The following APPL2 variants were observed in gnomAD, a reference collection of about 807,000 sequenced individuals.
APPL2 encodes adaptor protein, phosphotyrosine interacting with PH domain and leucine zipper 2.
Under a neutral mutation model 92.7 loss-of-function variants are expected in APPL2, and 84 were observed. That is an observed-to-expected ratio of 0.91 (90% CI 0.76 to 1.09). APPL2 has a LOEUF of 1.09. Among genes scored for constraint, APPL2 ranks in the 50% least tolerant of loss-of-function variants. The pLI, the probability that APPL2 is intolerant of heterozygous loss-of-function variation, is 0.00. For synonymous variants in APPL2, 291 were observed against 291.0 expected, an observed-to-expected ratio of 1.00 and a Z score of 0.00; for missense variants, 736 against 824.5, an observed-to-expected ratio of 0.89 and a Z score of 1.31.
chr12:105,206,931 C>T, intron 8 of APPL2, 130 bp downstream of exon 8: 1 of 1,257,880 alleles, frequency 7.9e-7, no homozygotes, highest in Non-Finnish European at 1.1e-6. Flanking sequence ...TGCTGAATCC[C>T]ACAAAGTAGC....
intron 14 of APPL2, among the ~76,000 whole-genome samples, chr12:105,192,013 A>G (rs556524815): frequency 1.3e-5 from 2 of 152,196 alleles, no homozygotes; most frequent in East Asian, 1.9e-4. Flanking sequence ...CCAGACCTGT[A>G]TCATCCGTTG....
intron 17 of APPL2, among the ~76,000 whole-genome samples, chr12:105,186,645 G>GATAT (rs879884212): frequency 1.5e-3 from 192 of 128,156 alleles, no homozygotes; most frequent in South Asian, 8.7e-3. Context: ...TCATATATAT[G>GATAT]ATATCGATAT....
In APPL2 at chr12:105,174,324, G is replaced by C. The variant is rs1885268681; in HGVS notation, c.1985C>G (p.Ser662Cys). 6.2e-7 allele frequency: 1 copy of C among 1,613,842 alleles called. No homozygotes were observed. The highest frequency in any genetic ancestry group is 1.1e-5 in the South Asian group (1 of 91,030). ...ACAGGCGCAAGTGAGTTATGCTTCG[G>C]ATTCTGCGCCTCTATGTTCGTTTGG... ...GNPNEHRGAE[S>C]EA Residue 662 changes from serine to cysteine, a missense_variant, in exon 21 of 21, where the codon TCC becomes TGC. Coordinates refer to ENST00000258530, the MANE Select transcript of APPL2 (RefSeq NM_018171.5).
chr12:105,177,934 G>A (rs1370633120), intron 17 of APPL2, among the ~76,000 whole-genome samples: 1 of 152,112 alleles, frequency 6.6e-6, no homozygotes, highest in Non-Finnish European at 1.5e-5. Flanking sequence ...GGGATTACAG[G>A]TGTCAGCCAA....
At chr12:105,191,111 CTACTT>C (rs1453901424) in intron 14 of APPL2, among the ~76,000 whole-genome samples, 6 of 152,192 alleles carry the variant, frequency 3.9e-5, no homozygotes, top group Admixed American at 3.3e-4. Context: ...GTGTATCAAA[CTACTT>C]TACAACAGGC....
intron 19 of APPL2, chr12:105,176,286 CAA>C: frequency 1.8e-6 from 1 of 552,918 alleles, no homozygotes; most frequent in Non-Finnish European, 3.1e-6. Flanking sequence ...TTATGCCACA[CAA>C]AAAATATTCC....
chr12:105,236,060 G>C lies in APPL2; in HGVS notation c.-48C>G. ...GGCTGGGTTGGAAGGACAGAGGGCAGGAGACGCGGCGGCCGAGAGCACTCC... is the reference window on the plus strand; with the variant it reads ...GGCTGGGTTGGAAGGACAGAGGGCACGAGACGCGGCGGCCGAGAGCACTCC... On this transcript the variant is annotated 5_prime_UTR_variant, in exon 1 of 21. Coordinates refer to ENST00000258530, the MANE Select transcript of APPL2 (RefSeq NM_018171.5). The C allele has an allele frequency of 1.6e-6, 2 of 1,215,746 alleles. No homozygotes were observed. The highest frequency in any genetic ancestry group is 2.1e-6 in the Non-Finnish European group (2 of 969,836). 75.3% of individuals were successfully genotyped at this position (1,215,746 alleles called of 1,614,324 possible). A position where few individuals can be genotyped will look rare whatever the true frequency, so the allele number is the denominator to read the frequency against.
chr12:105,211,023 C>T (rs1889165845), intron 5 of APPL2, among the ~76,000 whole-genome samples: 1 of 152,202 alleles, frequency 6.6e-6, no homozygotes, highest in Non-Finnish European at 1.5e-5. Context: ...CGATCTGTTT[C>T]CACACCTGTC....
rs372088076 is a variant in APPL2, at chr12:105,217,027, C to T, written c.285+42G>A. 1.5e-5 allele frequency: 21 copies of T among 1,417,296 alleles called. No individual in the cohort carries two copies. The Admixed American group carries it at 1.8e-4, about 12-fold the overall frequency. The allele number at this position is 1,417,296 out of a possible 1,614,324, so 87.8% of individuals were successfully genotyped here. A position where few individuals can be genotyped will look rare whatever the true frequency, so the allele number is the denominator to read the frequency against. ...GCCAAAATAACAACAAAAGAAAGTT[C>T]GAGAAAGAATCAAATACAAATTTTC... On this transcript the variant is annotated intron_variant, in intron 4 of 20. Coordinates refer to ENST00000258530, the MANE Select transcript of APPL2 (RefSeq NM_018171.5).
rs558853233 is a variant in APPL2, at chr12:105,195,342, G to T, written c.1160C>A (p.Ala387Glu). ...IYLTDNPEAVAIKLNQTALQA... is the reference protein window; with the variant it reads ...IYLTDNPEAVEIKLNQTALQA... ...CAGAGCGGTCTGATTCAACTTGATC[G>T]CGACTGCCTAAAAATCCACAGGAAG... The change falls in exon 14 of 21, where the codon GCG becomes GAG. Residue 387 changes from alanine to glutamate, a missense_variant. By Grantham distance (107) the Ala-to-Glu change is moderately radical. Transcript: ENST00000258530. 7.4e-6 allele frequency: 12 copies of T among 1,613,956 alleles called. No homozygotes were observed. Among genetic ancestry groups the T allele is most frequent in the Non-Finnish European group, 9.3e-6 (11 of 1,180,030 alleles).
chr12:105,188,525 T>C (rs1412361058), intron 16 of APPL2, 78 bp from the exon 17 acceptor site: 32 of 1,490,794 alleles, frequency 2.1e-5, no homozygotes, highest in Non-Finnish European at 2.5e-5. Context: ...TCAGATGTGC[T>C]AGTTTTGCCT....
At chr12:105,205,155 C>G (rs963988017) in intron 8 of APPL2, among the ~76,000 whole-genome samples, 5 of 152,136 alleles carry the variant, frequency 3.3e-5, no homozygotes, top group Non-Finnish European at 4.4e-5. Context: ...TTGCCAAGGT[C>G]GGATGAGGCA....
chr12:105,195,307 T>C lies in APPL2; in HGVS notation c.1195A>G (p.Thr399Ala). 6.2e-7 allele frequency: 1 copy of C among 1,614,066 alleles called. No homozygotes were observed. ...TTTTTTCCAAAACTTGTAATGGGAGTCACTGCTTGCAGAGCGGTCTGATTC... is the reference window on the plus strand; with the variant it reads ...TTTTTTCCAAAACTTGTAATGGGAGCCACTGCTTGCAGAGCGGTCTGATTC... ...KLNQTALQAV[T>A]PITSFGKKQE... Residue 399 changes from threonine (T) to alanine (A), a missense_variant, in exon 14 of 21, where the codon ACT becomes GCT. Thr to Ala is a moderately conservative substitution (Grantham distance 58). Transcript: ENST00000258530.
At chr12:105,188,726 C>G (rs1356059533) in intron 16 of APPL2, among the ~76,000 whole-genome samples, 1 of 152,186 alleles carries the variant, frequency 6.6e-6, no homozygotes, top group African/African-American at 2.4e-5. Context: ...CCTTCTAATG[C>G]TGAAACTCTA....
intron 2 of APPL2, among the ~76,000 whole-genome samples, chr12:105,221,160 C>T (rs1890069063): frequency 6.6e-6 from 1 of 152,222 alleles, no homozygotes; most frequent in Non-Finnish European, 1.5e-5. Context: ...TTAATCCACG[C>T]CCTGTGCCCT....
In APPL2 at chr12:105,183,020, CT is replaced by C. The variant is rs551214484; in HGVS notation, c.1634+5252del. 6.3e-5 allele frequency among the ~76,000 whole-genome samples: 9 copies of C among 141,974 alleles called. No homozygotes were observed. The South Asian group carries it at 2.0e-3, about 32-fold the overall frequency. The allele number at this position is 141,974 out of a possible 152,430, so 93.1% of individuals were successfully genotyped here. On this transcript the variant is annotated intron_variant, in intron 17 of 20. Coordinates refer to ENST00000258530, the MANE Select transcript of APPL2 (RefSeq NM_018171.5). ...ACCACTATGTAATGCCCTTCTTTGT[CT>C]TTTTTGATTTCAAGTCCGTTTTATC...
At chr12:105,177,978 G>A (rs1885716015) in intron 17 of APPL2, among the ~76,000 whole-genome samples, 1 of 152,018 alleles carries the variant, frequency 6.6e-6, no homozygotes, top group Non-Finnish European at 1.5e-5. Context: ...TTTAGTAGAA[G>A]TGGGGTTTCA....
chr12:105,194,737 G>A (rs1359962685), intron 14 of APPL2, among the ~76,000 whole-genome samples: 3 of 150,720 alleles, frequency 2.0e-5, no homozygotes, highest in African/African-American at 4.9e-5. Context: ...GATGGAATAG[G>A]GTGTAGTTAC....
intron 14 of APPL2, among the ~76,000 whole-genome samples, chr12:105,190,781 T>C (rs1454985789): frequency 6.6e-6 from 1 of 152,244 alleles, no homozygotes; most frequent in Non-Finnish European, 1.5e-5. Flanking sequence ...CTTGCGGCCC[T>C]GTGTGCCTCC....
Sources: allele counts gnomAD v4.1 joint callset (sites outside exome capture counted in the v4.1 genomes callset), GRCh38; gene constraint gnomAD v4.1.1; transcripts MANE v1.5; gene names NCBI Gene and HGNC (gene_info 2026-07-23, HGNC 2026-07-21).